Variants in HMCN1 observed in about 807,000 individuals in gnomAD.
HMCN1 encodes hemicentin-1.
In HMCN1, 321 loss-of-function variants were observed where a neutral mutation model predicts 625.9. The observed-to-expected ratio is 0.51, with a 90% CI of 0.47 to 0.56. HMCN1 has a LOEUF of 0.56. Ranked by LOEUF, HMCN1 falls within the 20% of genes least tolerant of loss-of-function variation. The pLI, the probability that HMCN1 is intolerant of heterozygous loss-of-function variation, is 0.00. For missense variants in HMCN1, 6,588 were observed against 6,887.3 expected (o/e 0.96, Z 1.54); for synonymous variants, 2,425 against 2,417.6 (o/e 1.00, Z -0.09).
chr1:186,023,618 C>T (rs1654865616), intron 36 of HMCN1, among the ~76,000 whole-genome samples: 1 of 152,154 alleles, frequency 6.6e-6, no homozygotes, highest in South Asian at 2.1e-4. Context: ...AAAATCATAG[C>T]TTCACAGTAA....
At chr1:186,160,778 C>A (rs1651407300) in intron 97 of HMCN1, among the ~76,000 whole-genome samples, 1 of 151,852 alleles carries the variant, frequency 6.6e-6, no homozygotes, top group Non-Finnish European at 1.5e-5. Flanking sequence ...GCACTGTGGT[C>A]TGAGAGATAG....
At chr1:186,081,160 A>G in intron 55 of HMCN1, 47 bp from the exon 56 acceptor site, 1 of 1,483,944 alleles carries the variant, frequency 6.7e-7, no homozygotes, top group Non-Finnish European at 9.4e-7. Flanking sequence ...CATGATTTAG[A>G]AAAGACTGTT....
rs1223685646 is a variant in HMCN1, at chr1:186,061,904, A to G, written c.7366A>G (p.Thr2456Ala). 1.2e-6 allele frequency: 2 copies of G among 1,613,074 alleles called. No homozygotes were observed. Among genetic ancestry groups the G allele is most frequent in the Non-Finnish European group, 1.7e-6 (2 of 1,179,340 alleles). Residue 2456 changes from threonine (T) to alanine (A), a missense_variant, in exon 47 of 107, where the codon ACT becomes GCT. Transcript: ENST00000271588. The stretch of plus-strand genomic sequence containing the variant: ...CACAATGGAAGATGCTGGCCAATAT[A>G]CTTGCGTTGTAAGGAATGCAGCTGG... Reference protein sequence around the residue: ...QTTMEDAGQYTCVVRNAAGEE... With the variant: ...QTTMEDAGQYACVVRNAAGEE...
chr1:186,161,396 A>G (rs1558270596), intron 97 of HMCN1, among the ~76,000 whole-genome samples: 1 of 152,136 alleles, frequency 6.6e-6, no homozygotes, highest in Non-Finnish European at 1.5e-5. Context: ...TGTGTCTTTT[A>G]ATTGGAGCAT....
chr1:186,183,835 A>G (rs1010097076), intron 105 of HMCN1, among the ~76,000 whole-genome samples: 3 of 152,080 alleles, frequency 2.0e-5, no homozygotes, highest in Non-Finnish European at 2.9e-5. Flanking sequence ...GGGTGAGGGC[A>G]CTTTGTCCAG....
intron 1 of HMCN1, among the ~76,000 whole-genome samples, chr1:185,789,235 T>C (rs969871510): frequency 6.6e-6 from 1 of 152,158 alleles, no homozygotes; most frequent in Admixed American, 6.5e-5. Context: ...GATTTTCTGT[T>C]AAGAGAAGGA....
At chr1:186,068,595 C>T (rs1262650270) in intron 50 of HMCN1, among the ~76,000 whole-genome samples, 3 of 151,888 alleles carry the variant, frequency 2.0e-5, no homozygotes, top group South Asian at 2.1e-4. Context: ...AAGCTGGGTG[C>T]GGTGGCTCAC....
In HMCN1 at chr1:185,936,413, A is replaced by G. The variant is rs543049176; in HGVS notation, c.1828+2589A>G. ...AATATTTTTTATTATGTAAATATGT[A>G]TATAGAACATTTATCTATATTTTAA... On this transcript the variant is annotated intron_variant, in intron 11 of 106. Transcript: ENST00000271588. 1.1e-4 allele frequency among the ~76,000 whole-genome samples: 17 copies of G among 152,228 alleles called. No individual in the cohort carries two copies. The South Asian group carries it at 3.5e-3, about 32-fold the overall frequency.
chr1:186,000,310 T>G (rs911009631), intron 26 of HMCN1, 71 bp downstream of exon 26: 1 of 1,096,784 alleles, frequency 9.1e-7, no homozygotes, highest in South Asian at 1.3e-5. Context: ...AATTATTCTC[T>G]CAGTGTAATA....
intron 52 of HMCN1, among the ~76,000 whole-genome samples, chr1:186,071,085 A>G (rs894951057): frequency 2.6e-5 from 4 of 152,178 alleles, no homozygotes; most frequent in South Asian, 2.1e-4. Flanking sequence ...TGGAGAAGTT[A>G]GGGAAACAGT....
chr1:185,899,987 C>T (rs867586784), intron 4 of HMCN1, among the ~76,000 whole-genome samples: 77 of 151,806 alleles, frequency 5.1e-4, no homozygotes, highest in Non-Finnish European at 9.3e-4. Flanking sequence ...TTTTCAAAGA[C>T]CCTAACAAGC....
chr1:185,744,285 G>A (rs1654233963), intron 1 of HMCN1, among the ~76,000 whole-genome samples: 1 of 152,080 alleles, frequency 6.6e-6, no homozygotes, highest in Non-Finnish European at 1.5e-5. Context: ...GAGCCACCAT[G>A]CCTGGCCTGA....
At chr1:185,790,745 A>G (rs1021761186) in intron 1 of HMCN1, among the ~76,000 whole-genome samples, 4 of 152,216 alleles carry the variant, frequency 2.6e-5, no homozygotes, top group Admixed American at 6.5e-5. Context: ...TGCCAACCAA[A>G]AATGCCACAC....
chr1:186,162,823 A>G (rs895272043), intron 97 of HMCN1, among the ~76,000 whole-genome samples: 2 of 152,086 alleles, frequency 1.3e-5, no homozygotes, highest in Non-Finnish European at 2.9e-5. Flanking sequence ...GTCTGCCCCT[A>G]CTGGGGGGTG....
At position 186,065,359 on chromosome 1, in the gene HMCN1, T is replaced by C. The variant is rs1444577370; in HGVS notation, c.7635T>C (p.Thr2545=). 1.2e-6 allele frequency: 2 copies of C among 1,612,206 alleles called. No individual in the cohort carries two copies. The highest frequency in any genetic ancestry group is 1.7e-6 in the Non-Finnish European group (2 of 1,179,692). The stretch of plus-strand genomic sequence containing the variant: ...TTACCAATGTCCAGGTGCCACACAC[T>C]GGAAGATATACATGTTTGGCTTCCA... The part of the protein sequence containing the change: ...LQITNVQVPH[T]GRYTCLASSP... The change falls in exon 49 of 107, where the codon ACT becomes ACC. Residue 2545 remains threonine, a synonymous_variant. Coordinates refer to ENST00000271588, the MANE Select transcript of HMCN1 (RefSeq NM_031935.3).
intron 4 of HMCN1, among the ~76,000 whole-genome samples, chr1:185,891,244 A>C (rs995482102): frequency 6.5e-5 from 9 of 137,724 alleles, no homozygotes; most frequent in Admixed American, 1.4e-4. Context: ...CAGCACACTG[A>C]TGGGTCTTGA....
intron 2 of HMCN1, among the ~76,000 whole-genome samples, chr1:185,862,443 T>C (rs924475192): frequency 8.6e-5 from 13 of 152,046 alleles, no homozygotes; most frequent in South Asian, 2.1e-4. Flanking sequence ...GAGTCAAAAA[T>C]GACTCAGGTT....
intron 101 of HMCN1, 29 bp from the exon 102 acceptor site, chr1:186,171,977 A>G: frequency 6.2e-7 from 1 of 1,607,422 alleles, no homozygotes. Context: ...AATTTTCTTA[A>G]TCTACATTAC....
At position 186,069,834 on chromosome 1, in the gene HMCN1, A is replaced by G. The variant is rs145842983; in HGVS notation, c.7993+58A>G. On this transcript the variant is annotated intron_variant, in intron 51 of 106. Transcript: ENST00000271588. ...TTCCCCAATTTTTCTAACTTTTTCA[A>G]TCCTGTTTTTCATTATGGGTTCATA... The G allele has an allele frequency of 2.3e-4, 259 of 1,110,028 alleles. No homozygotes were observed. In the African/African-American group the frequency reaches 3.2e-3, roughly 14 times the overall value. The allele number at this position is 1,110,028 out of a possible 1,614,324, so 68.8% of individuals were successfully genotyped here.
Sources: allele counts gnomAD v4.1 joint callset (sites outside exome capture counted in the v4.1 genomes callset), GRCh38; gene constraint gnomAD v4.1.1; transcripts MANE v1.5; gene names NCBI Gene and HGNC (gene_info 2026-07-23, HGNC 2026-07-21).